The following CTNNA3 variants were observed in gnomAD, a reference collection of about 807,000 sequenced individuals.
CTNNA3 encodes catenin alpha-3.
A neutral mutation model predicts 95.7 loss-of-function variants in CTNNA3; 76 were observed. The ratio of observed to expected loss-of-function variants is 0.79; its 90% CI spans 0.66 to 0.96. CTNNA3 has a LOEUF of 0.96. CTNNA3 is among the 40% of genes least tolerant of loss of function. CTNNA3 has a pLI of 0.00. For synonymous variants in CTNNA3, 431 were observed against 374.4 expected (o/e 1.15, Z -1.74); for missense variants, 1,191 against 1,089.8 (o/e 1.09, Z -1.31).
intron 1 of CTNNA3, among the ~76,000 whole-genome samples, chr10:67,725,166 T>C (rs960674581): frequency 2.0e-5 from 3 of 150,988 alleles, no homozygotes; most frequent in Admixed American, 1.3e-4. Context: ...ATAGTATTAA[T>C]TTATTAATTT....
chr10:66,824,213 C>G (rs1318776555), intron 7 of CTNNA3, among the ~76,000 whole-genome samples: 2 of 152,090 alleles, frequency 1.3e-5, no homozygotes. Context: ...GCACAGTGGC[C>G]TGTGTCGGCT....
chr10:66,811,994 C>G (rs1189730289), intron 7 of CTNNA3, among the ~76,000 whole-genome samples: 6 of 152,154 alleles, frequency 3.9e-5, no homozygotes, highest in Admixed American at 2.0e-4. Context: ...CTCCTGCTTC[C>G]TGAGATGAAT....
chr10:67,389,109 G>A (rs1309129242), intron 5 of CTNNA3, among the ~76,000 whole-genome samples: 1 of 151,808 alleles, frequency 6.6e-6, no homozygotes, highest in East Asian at 1.9e-4. Flanking sequence ...AAAAGACACA[G>A]ACTGGCAAAT....
At chr10:67,051,159 C>T (rs74685085) in intron 7 of CTNNA3, among the ~76,000 whole-genome samples, 7,103 of 152,276 alleles carry the variant, frequency 0.047, 192 homozygotes, top group East Asian at 0.13. Flanking sequence ...TCTGCCCTGG[C>T]AGGAATGAGA....
intron 7 of CTNNA3, among the ~76,000 whole-genome samples, chr10:66,957,412 A>G (rs1382465858): frequency 3.5e-5 from 1 of 28,844 alleles, no homozygotes; most frequent in Non-Finnish European, 6.4e-5. Flanking sequence ...ATATATATAT[A>G]TGCATATATA....
chr10:67,027,778 T>C (rs1441905231), intron 7 of CTNNA3, among the ~76,000 whole-genome samples: 1 of 152,188 alleles, frequency 6.6e-6, no homozygotes, highest in Admixed American at 6.6e-5. Flanking sequence ...GCCTAGGACA[T>C]ATAATATGTC....
At chr10:67,165,184 A>C (rs776051623) in intron 7 of CTNNA3, among the ~76,000 whole-genome samples, 1 of 152,216 alleles carries the variant, frequency 6.6e-6, no homozygotes, top group Non-Finnish European at 1.5e-5. Flanking sequence ...AAAAAGAATA[A>C]ACTATCAATA....
At chr10:66,355,926 G>T (rs1464583778) in intron 12 of CTNNA3, among the ~76,000 whole-genome samples, 1 of 151,880 alleles carries the variant, frequency 6.6e-6, no homozygotes, top group African/African-American at 2.4e-5. Context: ...AGCACCACTT[G>T]ATGAAAAGGC....
intron 11 of CTNNA3, among the ~76,000 whole-genome samples, chr10:66,428,275 G>T (rs1310875212): frequency 6.6e-6 from 1 of 152,090 alleles, no homozygotes; most frequent in South Asian, 2.1e-4. Context: ...GACCTACAAA[G>T]AGACTTAGAC....
At chr10:66,944,055 A>T (rs1848157547) in intron 7 of CTNNA3, among the ~76,000 whole-genome samples, 1 of 152,054 alleles carries the variant, frequency 6.6e-6, no homozygotes, top group Non-Finnish European at 1.5e-5. Flanking sequence ...TAAGATAACA[A>T]GGATGTCTGC....
intron 5 of CTNNA3, among the ~76,000 whole-genome samples, chr10:67,280,482 GA>G (rs1047584313): frequency 4.6e-5 from 7 of 151,950 alleles, no homozygotes; most frequent in African/African-American, 1.2e-4. Context: ...GAAAGGTAAG[GA>G]GAGCAGAGTT....
At chr10:66,440,845 G>A (rs1462360281) in intron 11 of CTNNA3, among the ~76,000 whole-genome samples, 3 of 152,082 alleles carry the variant, frequency 2.0e-5, no homozygotes, top group African/African-American at 7.2e-5. Flanking sequence ...CACAATAAGT[G>A]CTAAATAAAC....
chr10:67,274,806 G>C (rs1383804716), intron 5 of CTNNA3, among the ~76,000 whole-genome samples: 1 of 151,800 alleles, frequency 6.6e-6, no homozygotes, highest in African/African-American at 2.4e-5. Context: ...CCAGGCTGAG[G>C]GACAGAGATA....
At chr10:66,586,892 C>T (rs147901378) in intron 10 of CTNNA3, among the ~76,000 whole-genome samples, 48 of 152,264 alleles carry the variant, frequency 3.2e-4, no homozygotes, top group Admixed American at 5.2e-4. Context: ...TGGTTCACTA[C>T]TCTTTCCCCA....
intron 17 of CTNNA3, among the ~76,000 whole-genome samples, chr10:65,942,815 C>A (rs965559204): frequency 6.6e-6 from 1 of 150,864 alleles, no homozygotes. Flanking sequence ...AATAAAAAAA[C>A]CTAGATTTAA....
At position 66,616,677 on chromosome 10, in the gene CTNNA3, T is replaced by C. The variant is rs1695625936; in HGVS notation, c.1374+5015A>G. Among the ~76,000 whole-genome samples the C allele has an allele frequency of 2.0e-5, 3 of 152,194 alleles. No homozygotes were observed. The South Asian group carries it at 6.2e-4, about 32-fold the overall frequency. On this transcript the variant is annotated intron_variant, in intron 10 of 17. Coordinates refer to ENST00000433211, the MANE Select transcript of CTNNA3 (RefSeq NM_013266.4). ...TAAGAACCAGAACAACTCAATTCAC[T>C]GAAACCTACGTGAATTCAATTGTAC...
chr10:67,027,365 A>C (rs1175990034), intron 7 of CTNNA3, among the ~76,000 whole-genome samples: 2 of 152,088 alleles, frequency 1.3e-5, no homozygotes, highest in African/African-American at 4.8e-5. Flanking sequence ...GGATTACTTT[A>C]ATGACTCAGA....
chr10:66,051,316 A>G (rs2079953488), intron 15 of CTNNA3, among the ~76,000 whole-genome samples: 1 of 152,222 alleles, frequency 6.6e-6, no homozygotes, highest in South Asian at 2.1e-4. Flanking sequence ...TATTTTTTAA[A>G]TGCATGCATG....
At chr10:65,944,546 A>G (rs2077479899) in intron 17 of CTNNA3, among the ~76,000 whole-genome samples, 1 of 152,240 alleles carries the variant, frequency 6.6e-6, no homozygotes. Context: ...TTAAGGGGGA[A>G]GGCAAAGTGG....
Sources: allele counts gnomAD v4.1 joint callset (sites outside exome capture counted in the v4.1 genomes callset), GRCh38; gene constraint gnomAD v4.1.1; transcripts MANE v1.5; gene names NCBI Gene and HGNC (gene_info 2026-07-23, HGNC 2026-07-21).